AGBL1: variants seen among roughly 807,000 people sequenced by gnomAD.
AGBL1 encodes the protein AGBL carboxypeptidase 1.
A neutral mutation model predicts 118.9 loss-of-function variants in AGBL1; 130 were observed. The observed-to-expected ratio is 1.09, with a 90% CI of 0.95 to 1.26. The LOEUF is 1.26. AGBL1 is among the 50% of genes most tolerant of loss of function. The pLI is 0.00. For synonymous variants in AGBL1, 555 were observed against 478.9 expected, an observed-to-expected ratio of 1.16 and a Z score of -2.08; for missense variants, 1,584 against 1,298.1, an observed-to-expected ratio of 1.22 and a Z score of -3.38.
At chr15:86,141,531 G>A (rs1207282994) in intron 1 of AGBL1, among the ~76,000 whole-genome samples, 2 of 152,160 alleles carry the variant, frequency 1.3e-5, no homozygotes, top group African/African-American at 4.8e-5. Flanking sequence ...CATGCCTGTA[G>A]CCCCAGTTAC....
intron 22 of AGBL1, among the ~76,000 whole-genome samples, chr15:86,854,754 C>T (rs537813052): frequency 1.7e-3 from 262 of 152,268 alleles, no homozygotes; most frequent in Non-Finnish European, 2.9e-3. Context: ...CTTACCTGTT[C>T]CTCTTTCTCC....
At chr15:86,408,484 C>T (rs1312356486) in intron 18 of AGBL1, among the ~76,000 whole-genome samples, 1 of 152,210 alleles carries the variant, frequency 6.6e-6, no homozygotes, top group Non-Finnish European at 1.5e-5. Flanking sequence ...AACTCAACTG[C>T]TCTTCCTGGG....
intron 20 of AGBL1, among the ~76,000 whole-genome samples, chr15:86,548,783 G>A (rs1567052058): frequency 6.6e-6 from 1 of 151,954 alleles, no homozygotes; most frequent in Admixed American, 6.6e-5. Flanking sequence ...GGTGTATTAA[G>A]CCATTCTTGC....
At chr15:86,866,249 A>G (rs1283907014) in intron 22 of AGBL1, among the ~76,000 whole-genome samples, 3 of 152,228 alleles carry the variant, frequency 2.0e-5, no homozygotes, top group Non-Finnish European at 2.9e-5. Context: ...GACAATGGGT[A>G]TTTTAATAGT....
At chr15:86,282,605 C>T (rs2079373124) in intron 16 of AGBL1, among the ~76,000 whole-genome samples, 1 of 152,104 alleles carries the variant, frequency 6.6e-6, no homozygotes. Flanking sequence ...AGGTTTAAGA[C>T]AATAATTGAC....
At chr15:86,588,794 A>G (rs1367606346) in intron 21 of AGBL1, among the ~76,000 whole-genome samples, 2 of 152,258 alleles carry the variant, frequency 1.3e-5, no homozygotes, top group African/African-American at 2.4e-5. Flanking sequence ...ACAGAAACCC[A>G]TATTTATTGA....
chr15:86,384,790 G>A (rs2081160341), intron 17 of AGBL1, among the ~76,000 whole-genome samples: 1 of 151,948 alleles, frequency 6.6e-6, no homozygotes, highest in African/African-American at 2.4e-5. Flanking sequence ...GAGACAGAGG[G>A]TACAAAATAA....
chr15:86,753,858 C>G (rs934592027), intron 22 of AGBL1, among the ~76,000 whole-genome samples: 3 of 152,112 alleles, frequency 2.0e-5, no homozygotes, highest in East Asian at 3.9e-4. Context: ...AGATGCAGGT[C>G]TCCCTCTATC....
intron 22 of AGBL1, among the ~76,000 whole-genome samples, chr15:86,729,105 C>G (rs1247049635): frequency 1.3e-5 from 2 of 152,152 alleles, no homozygotes; most frequent in African/African-American, 2.4e-5. Flanking sequence ...GGCCTGTAAC[C>G]AATTTCTGGC....
intron 23 of AGBL1, among the ~76,000 whole-genome samples, chr15:86,986,077 C>T (rs576843492): frequency 1.3e-5 from 2 of 152,064 alleles, no homozygotes; most frequent in South Asian, 2.1e-4. Context: ...GTGCCTGCCA[C>T]CATGCCCGGC....
chr15:86,191,348 C>CAAGAAAAAAAAAAAAAAAA (rs2077717177), intron 5 of AGBL1, among the ~76,000 whole-genome samples: 1 of 65,118 alleles, frequency 1.5e-5, no homozygotes, highest in African/African-American at 8.3e-5. Context: ...AACTTTGTCT[C>CAAGAAAAAAAAAAAAAAAA]AAAAAAAAAA....
intron 18 of AGBL1, among the ~76,000 whole-genome samples, chr15:86,496,939 C>T (rs1053348588): frequency 5.3e-5 from 8 of 151,846 alleles, no homozygotes; most frequent in East Asian, 1.9e-4. Context: ...TTACGGTGTA[C>T]GACATGATGT....
intron 22 of AGBL1, among the ~76,000 whole-genome samples, chr15:86,868,837 A>G (rs1308740995): frequency 6.6e-6 from 1 of 152,214 alleles, no homozygotes; most frequent in African/African-American, 2.4e-5. Flanking sequence ...CAACATGTTG[A>G]AAAAATAAAA....
At chr15:86,744,316 G>C (rs1306378989) in intron 22 of AGBL1, among the ~76,000 whole-genome samples, 1 of 152,098 alleles carries the variant, frequency 6.6e-6, no homozygotes, top group Non-Finnish European at 1.5e-5. Flanking sequence ...TGTGCTTTCT[G>C]CTCAGGAATA....
rs59417397 is a variant in AGBL1, at chr15:86,433,266, C to CTTTTTTTTTTTTTTTT, written c.2555+35732_2555+35747dup. On this transcript the variant is annotated intron_variant, in intron 18 of 22. Coordinates refer to ENST00000614907, the MANE Select transcript of AGBL1 (RefSeq NM_001386094.1). ...TCTCCTCCTCCTCCTCCTCCTTCTT[C>CTTTTTTTTTTTTTTTT]TTTTTTTTTTTTTTTTTTTTTTTTT... Among the ~76,000 whole-genome samples the CTTTTTTTTTTTTTTTT allele has an allele frequency of 1.8e-3, 133 of 74,870 alleles. 30 individuals are homozygous for CTTTTTTTTTTTTTTTT. Among genetic ancestry groups the CTTTTTTTTTTTTTTTT allele is most frequent in the Middle Eastern group, 0.01 (1 of 100 alleles). The allele number at this position is 74,870 out of a possible 152,430, so 49.1% of individuals were successfully genotyped here. A position where few individuals can be genotyped will look rare whatever the true frequency, so the allele number is the denominator to read the frequency against.
chr15:86,516,516 C>G (rs979774522), intron 18 of AGBL1, among the ~76,000 whole-genome samples: 3 of 152,156 alleles, frequency 2.0e-5, no homozygotes, highest in African/African-American at 7.2e-5. Flanking sequence ...TGTGAATTAA[C>G]TGGCTGGGTG....
At chr15:86,859,372 T>C (rs1257845862) in intron 22 of AGBL1, among the ~76,000 whole-genome samples, 1 of 152,150 alleles carries the variant, frequency 6.6e-6, no homozygotes, top group East Asian at 1.9e-4. Context: ...GGTGTAAACA[T>C]GAACAGGGCA....
chr15:86,706,600 G>A (rs990090342), intron 22 of AGBL1, among the ~76,000 whole-genome samples: 27 of 152,046 alleles, frequency 1.8e-4, no homozygotes, highest in East Asian at 5.8e-4. Context: ...TAAGGCTCGC[G>A]ATTTGTTTTA....
chr15:86,443,178 A>G (rs1875433069), intron 18 of AGBL1, among the ~76,000 whole-genome samples: 1 of 152,222 alleles, frequency 6.6e-6, no homozygotes. Flanking sequence ...TTCTGCAATG[A>G]CCATCTGCCG....
Sources: allele counts gnomAD v4.1 joint callset (sites outside exome capture counted in the v4.1 genomes callset), GRCh38; gene constraint gnomAD v4.1.1; transcripts MANE v1.5; gene names NCBI Gene and HGNC (gene_info 2026-07-23, HGNC 2026-07-21).